Variants in CA1 observed in about 807,000 individuals in gnomAD.
CA1 encodes carbonic anhydrase 1.
In CA1, 27 loss-of-function variants were observed where a neutral mutation model predicts 28.8. The observed-to-expected ratio is 0.94, with a 90% CI of 0.69 to 1.29. CA1 has a LOEUF of 1.29. Ranked by LOEUF, CA1 falls within the 50% of genes most tolerant of loss-of-function variation. The pLI, the probability that CA1 is intolerant of heterozygous loss-of-function variation, is 0.00. For missense variants in CA1, 335 were observed against 310.5 expected, an observed-to-expected ratio of 1.08 and a Z score of -0.59; for synonymous variants, 121 against 108.8, an observed-to-expected ratio of 1.11 and a Z score of -0.70.
At position 85,353,749 on chromosome 8, in the gene CA1, G is replaced by T. The variant is rs1809498450; in HGVS notation, c.-24-12090C>A. On this transcript the variant is annotated intron_variant, in intron 1 of 7. Transcript: ENST00000523022. ...TATTTAGCCATTCCTCAATCAATGG[G>T]CATTTAGGTTATTTCTCATTGTTAT... is the stretch of plus-strand genomic sequence containing the variant. Among the ~76,000 whole-genome samples the T allele has an allele frequency of 3.9e-5, 6 of 152,014 alleles. No individual in the cohort carries two copies. The South Asian group carries it at 1.2e-3, about 32-fold the overall frequency.
chr8:85,332,851 A>G (rs1416434685), intron 5 of CA1, among the ~76,000 whole-genome samples: 1 of 152,192 alleles, frequency 6.6e-6, no homozygotes, highest in Non-Finnish European at 1.5e-5. Flanking sequence ...AAACTGACAC[A>G]AAAACAAATC....
chr8:85,369,891 G>A (rs1404044765), intron 1 of CA1, among the ~76,000 whole-genome samples: 1 of 152,152 alleles, frequency 6.6e-6, no homozygotes, highest in South Asian at 2.1e-4. Context: ...GTATGTAGAG[G>A]ATAGGATTAC....
intron 2 of CA1, among the ~76,000 whole-genome samples, chr8:85,338,977 A>G (rs1295647695): frequency 6.6e-6 from 1 of 151,582 alleles, no homozygotes; most frequent in Non-Finnish European, 1.5e-5. Context: ...TGGTCTCCCA[A>G]AGTGCTGGGA....
rs1293828031 is a variant in CA1 at position 85,369,545 on chromosome 8, AT to A, written c.-25+8500del. 2.6e-5 allele frequency among the ~76,000 whole-genome samples: 4 copies of A among 152,322 alleles called. No homozygotes were observed. The East Asian group carries it at 7.7e-4, about 29-fold the overall frequency. On this transcript the variant is annotated intron_variant, in intron 1 of 7. Transcript: ENST00000523022. The stretch of plus-strand genomic sequence containing the variant: ...CCAAAGATCTTAAGTAAAGACATGC[AT>A]TTTGAACAATGAAATGCCGTGGACT...
intron 1 of CA1, among the ~76,000 whole-genome samples, chr8:85,355,215 A>ACTG (rs1256311018): frequency 6.6e-6 from 1 of 152,178 alleles, no homozygotes; most frequent in Non-Finnish European, 1.5e-5. Context: ...GAGATCACTG[A>ACTG]CTGCTGTGCG....
At chr8:85,348,692 T>G (rs371099334) in intron 1 of CA1, among the ~76,000 whole-genome samples, 1 of 152,234 alleles carries the variant, frequency 6.6e-6, no homozygotes, top group Admixed American at 6.5e-5. Context: ...AGAATTAGCA[T>G]TAACAGTAAA....
At chr8:85,345,054 C>A (rs1173848130) in intron 1 of CA1, among the ~76,000 whole-genome samples, 3 of 152,280 alleles carry the variant, frequency 2.0e-5, no homozygotes, top group Non-Finnish European at 4.4e-5. Flanking sequence ...CTGGACATTT[C>A]TGCATTGAGA....
chr8:85,372,870 A>C (rs898254489), intron 1 of CA1, among the ~76,000 whole-genome samples: 2 of 152,080 alleles, frequency 1.3e-5, no homozygotes, highest in African/African-American at 4.8e-5. Flanking sequence ...TAGTCTTCTC[A>C]GTTATCAGAT....
At chr8:85,348,792 A>C (rs1356512945) in intron 1 of CA1, among the ~76,000 whole-genome samples, 1 of 152,196 alleles carries the variant, frequency 6.6e-6, no homozygotes, top group Non-Finnish European at 1.5e-5. Flanking sequence ...ACCTAAAAAT[A>C]TTTTCTAAAT....
chr8:85,357,673 A>G (rs1284648077), intron 1 of CA1, among the ~76,000 whole-genome samples: 1 of 152,252 alleles, frequency 6.6e-6, no homozygotes, highest in East Asian at 1.9e-4. Context: ...CAAGGCCCCA[A>G]AGCTTTGTCT....
intron 4 of CA1, among the ~76,000 whole-genome samples, chr8:85,336,427 A>T (rs1252034452): frequency 6.6e-6 from 1 of 152,152 alleles, no homozygotes; most frequent in Admixed American, 6.5e-5. Context: ...GAAATAAGTC[A>T]CAAACTTCCA....
intron 1 of CA1, among the ~76,000 whole-genome samples, chr8:85,358,733 C>T (rs1442286706): frequency 6.6e-6 from 1 of 152,116 alleles, no homozygotes; most frequent in Non-Finnish European, 1.5e-5. Flanking sequence ...ACAACACGAG[C>T]GAAGGCTTGA....
intron 1 of CA1, among the ~76,000 whole-genome samples, chr8:85,357,844 A>T (rs2130325543): frequency 6.6e-6 from 1 of 152,338 alleles, no homozygotes; most frequent in South Asian, 2.1e-4. Context: ...ACTGAGAGAC[A>T]GGCAAATGTA....
chr8:85,349,307 C>A (rs1372510206), intron 1 of CA1, among the ~76,000 whole-genome samples: 4 of 152,076 alleles, frequency 2.6e-5, no homozygotes, highest in Non-Finnish European at 5.9e-5. Flanking sequence ...AAGAAAGAGG[C>A]TTTCACAGAT....
chr8:85,330,432 C>T (rs570349010), intron 6 of CA1, among the ~76,000 whole-genome samples: 76 of 152,054 alleles, frequency 5.0e-4, no homozygotes, highest in Non-Finnish European at 8.2e-4. Context: ...TTTGCTCTTT[C>T]GATATCTATC....
chr8:85,331,968 C>T (rs931680802), intron 6 of CA1, among the ~76,000 whole-genome samples: 1 of 152,078 alleles, frequency 6.6e-6, no homozygotes, highest in Non-Finnish European at 1.5e-5. Context: ...TGACAGTTCT[C>T]CATGCTGCAA....
rs754992688 is a variant in CA1 at position 85,337,029 on chromosome 8, C to T, written c.270G>A (p.Arg90=). The T allele has an allele frequency of 1.9e-6, 3 of 1,612,832 alleles. No homozygotes were observed. Among genetic ancestry groups the T allele is most frequent in the South Asian group, 1.1e-5 (1 of 91,062 alleles). ...CCCAGTGAAAATGGAACTGAAAGAGCCTGTAGCTGTCAGAGAAAGGACCAC... is the reference window on the plus strand; with the variant it reads ...CCCAGTGAAAATGGAACTGAAAGAGTCTGTAGCTGTCAGAGAAAGGACCAC... ...LKGGPFSDSY[R]LFQFHFHWGS... Residue 90 remains arginine (R), a synonymous_variant, in exon 4 of 8, where the codon AGG becomes AGA. Transcript: ENST00000523022.
rs879506844 is a variant in CA1, at chr8:85,327,826, C to T, written c.*734G>A. The stretch of plus-strand genomic sequence containing the variant: ...TGACTTCTTTAGCATTTTTATAAAC[C>T]ATTCACTTGTGACTTTTCTTCCAAT... On this transcript the variant is annotated 3_prime_UTR_variant, in exon 8 of 8. Transcript: ENST00000523022. 11 of 152,132 alleles carry T rather than the reference C, an allele frequency of 7.2e-5. No homozygotes were observed. The highest frequency in any genetic ancestry group is 6.6e-4 in the Admixed American group (10 of 15,252). 9.4% of individuals were successfully genotyped at this position (152,132 alleles called of 1,614,324 possible).
At chr8:85,361,728 A>G (rs1809803316) in intron 1 of CA1, among the ~76,000 whole-genome samples, 1 of 152,192 alleles carries the variant, frequency 6.6e-6, no homozygotes, top group Non-Finnish European at 1.5e-5. Context: ...GACATGAAGT[A>G]TTGAGCTTGA....
Sources: allele counts gnomAD v4.1 joint callset (sites outside exome capture counted in the v4.1 genomes callset), GRCh38; gene constraint gnomAD v4.1.1; transcripts MANE v1.5; gene names NCBI Gene and HGNC (gene_info 2026-07-23, HGNC 2026-07-21).